Variants in SMOC2 observed in about 807,000 individuals in gnomAD.
The protein encoded by SMOC2 is SPARC-related modular calcium-binding protein 2.
Under a neutral mutation model 61.4 loss-of-function variants are expected in SMOC2, and 39 were observed. The ratio of observed to expected loss-of-function variants is 0.64; its 90% CI spans 0.49 to 0.83. The LOEUF (loss-of-function observed/expected upper bound fraction) is 0.83. Among genes scored for constraint, SMOC2 ranks in the 40% least tolerant of loss-of-function variants. The pLI is 0.00. For missense variants in SMOC2, 556 were observed against 592.9 expected, an observed-to-expected ratio of 0.94 and a Z score of 0.65; for synonymous variants, 247 against 239.9, an observed-to-expected ratio of 1.03 and a Z score of -0.27.
At chr6:168,495,219 C>T (rs1239248605) in intron 1 of SMOC2, among the ~76,000 whole-genome samples, 1 of 152,194 alleles carries the variant, frequency 6.6e-6, no homozygotes, top group Admixed American at 6.5e-5. Context: ...AAAGGAGGGA[C>T]CTCCGGCCAA....
intron 1 of SMOC2, among the ~76,000 whole-genome samples, chr6:168,484,803 G>A (rs1352816939): frequency 2.0e-5 from 3 of 152,188 alleles, no homozygotes; most frequent in East Asian, 3.8e-4. Flanking sequence ...GCAGCAATGT[G>A]GATGAACCTT....
At chr6:168,649,695 G>A (rs182789264) in intron 9 of SMOC2, among the ~76,000 whole-genome samples, 2 of 152,270 alleles carry the variant, frequency 1.3e-5, no homozygotes, top group East Asian at 1.9e-4. Flanking sequence ...CGATCTCATC[G>A]GGGAAACGAG....
At chr6:168,599,566 A>G (rs1379572777) in intron 8 of SMOC2, among the ~76,000 whole-genome samples, 4 of 3,156 alleles carry the variant, frequency 1.3e-3, no homozygotes, top group African/African-American at 4.6e-3. Context: ...CCCCATACAC[A>G]CCCACACTCA....
rs1031113203 is a variant in SMOC2 at position 168,452,954 on chromosome 6, C to G, written c.84+11500C>G. On this transcript the variant is annotated intron_variant, in intron 1 of 12. Transcript: ENST00000356284. The surrounding 1 kb of genome is among the most constrained non-coding windows in gnomAD (Gnocchi z 5.0). The stretch of plus-strand genomic sequence containing the variant: ...GGGCTCCACGCAGGACCCCCTTCTC[C>G]CAGTGGCTCTGACAGCAGGGGCAGG... Among the ~76,000 whole-genome samples, 11 of 152,250 alleles carry G rather than the reference C, an allele frequency of 7.2e-5. No homozygotes were observed. The highest frequency in any genetic ancestry group is 6.8e-3 in the Middle Eastern group (2 of 294).
At chr6:168,531,557 AG>A (rs1394145967) in intron 4 of SMOC2, among the ~76,000 whole-genome samples, 1 of 152,118 alleles carries the variant, frequency 6.6e-6, no homozygotes, top group Non-Finnish European at 1.5e-5. Context: ...GGAAAGACCC[AG>A]GGGGGATTTG....
chr6:168,559,775 TA>T (rs1562347544), intron 7 of SMOC2, among the ~76,000 whole-genome samples: 1 of 152,192 alleles, frequency 6.6e-6, no homozygotes, highest in Non-Finnish European at 1.5e-5. Flanking sequence ...GGGTGACTAG[TA>T]AAGAATTTTA....
In SMOC2 at chr6:168,479,725, C is replaced by G. The variant is rs73272904; in HGVS notation, c.85-30190C>G. On this transcript the variant is annotated intron_variant, in intron 1 of 12. Transcript: ENST00000356284. ...ACCCTGTCCTTCAAATATGAGGAAG[C>G]TGTGCTGTGAATGTTGATTGCAGCT... is the stretch of plus-strand genomic sequence containing the variant. 4.2e-3 allele frequency among the ~76,000 whole-genome samples: 635 copies of G among 152,300 alleles called. 7 individuals carry two copies. Among genetic ancestry groups the G allele is most frequent in the African/African-American group, 0.014 (596 of 41,566 alleles).
intron 4 of SMOC2, among the ~76,000 whole-genome samples, chr6:168,530,644 C>T (rs1783570775): frequency 1.4e-5 from 2 of 145,080 alleles, no homozygotes; most frequent in South Asian, 4.6e-4. Context: ...GCAACCCCCC[C>T]CCCCCCGCCC....
At chr6:168,635,234 C>T (rs1008678652) in intron 9 of SMOC2, among the ~76,000 whole-genome samples, 7 of 152,172 alleles carry the variant, frequency 4.6e-5, no homozygotes, top group African/African-American at 1.7e-4. Context: ...ATTTAAAAGG[C>T]AGGATAAAGG....
intron 7 of SMOC2, among the ~76,000 whole-genome samples, chr6:168,550,654 C>G (rs1026476048): frequency 6.6e-6 from 1 of 152,152 alleles, no homozygotes; most frequent in African/African-American, 2.4e-5. Context: ...GTTACTTTAC[C>G]CTTCTGGGCG....
At chr6:168,650,919 G>A in intron 10 of SMOC2, 136 bp downstream of exon 10, 1 of 742,406 alleles carries the variant, frequency 1.3e-6, no homozygotes, top group Non-Finnish European at 2.1e-6. Context: ...GGAGCCTTCT[G>A]CAAACACAGG....
chr6:168,657,524 G>A (rs573664829), intron 11 of SMOC2, among the ~76,000 whole-genome samples: 29 of 152,290 alleles, frequency 1.9e-4, no homozygotes, highest in African/African-American at 6.7e-4. Flanking sequence ...TCTGTATTCA[G>A]CACCTGCCCA....
intron 4 of SMOC2, among the ~76,000 whole-genome samples, chr6:168,531,092 GA>G (rs1295511965): frequency 6.6e-6 from 1 of 152,148 alleles, no homozygotes; most frequent in African/African-American, 2.4e-5. Context: ...CTGAGAGTCA[GA>G]AAACTCAGCT....
chr6:168,562,672 C>T (rs987502301), intron 7 of SMOC2, among the ~76,000 whole-genome samples: 3 of 152,182 alleles, frequency 2.0e-5, no homozygotes, highest in African/African-American at 7.2e-5. Flanking sequence ...TTCTGATTTA[C>T]GCATCCGGGG....
At chr6:168,632,562 C>T (rs926091965) in intron 9 of SMOC2, among the ~76,000 whole-genome samples, 2 of 152,200 alleles carry the variant, frequency 1.3e-5, no homozygotes, top group African/African-American at 4.8e-5. Flanking sequence ...AACCCAGGTG[C>T]ATGACTTTGG....
intron 11 of SMOC2, among the ~76,000 whole-genome samples, chr6:168,656,722 G>A (rs763330884): frequency 3.1e-4 from 47 of 151,988 alleles, no homozygotes; most frequent in Non-Finnish European, 5.6e-4. Flanking sequence ...AACCAAATTA[G>A]GGCAAGCCTA....
intron 2 of SMOC2, among the ~76,000 whole-genome samples, chr6:168,510,986 G>T (rs962953772): frequency 6.6e-6 from 1 of 152,196 alleles, no homozygotes; most frequent in East Asian, 1.9e-4. Context: ...GTCCAGCAGG[G>T]GTCCCATAAC....
intron 2 of SMOC2, among the ~76,000 whole-genome samples, chr6:168,526,119 C>T (rs1223184253): frequency 2.6e-5 from 4 of 152,332 alleles, no homozygotes; most frequent in Middle Eastern, 3.4e-3. Context: ...CTGCCCTTCC[C>T]GCCCCTGGGC....
At chr6:168,477,588 C>A (rs201159590) in intron 1 of SMOC2, among the ~76,000 whole-genome samples, 1 of 152,136 alleles carries the variant, frequency 6.6e-6, no homozygotes, top group Non-Finnish European at 1.5e-5. Flanking sequence ...AAGTCCTAAA[C>A]GGAAAATGAT....
Sources: gnomAD v4.1 joint callset for allele counts (sites outside exome capture counted in the v4.1 genomes callset) on GRCh38, gnomAD v4.1.1 for gene constraint, Gnocchi (gnomAD v3.1) non-coding constraint, MANE v1.5 for transcripts, NCBI Gene and HGNC (gene_info 2026-07-23, HGNC 2026-07-21) for gene names.